LIN9: variants seen among roughly 807,000 people sequenced by gnomAD.
LIN9 encodes lin-9 DREAM MuvB core complex component.
Under a neutral mutation model 78.0 loss-of-function variants are expected in LIN9, and 18 were observed. The ratio of observed to expected loss-of-function variants is 0.23; its 90% CI spans 0.16 to 0.34. LIN9 has a LOEUF of 0.34. LIN9 is among the 10% of genes least tolerant of loss of function. The probability of loss-of-function intolerance (pLI) is 1.00; values close to 1 mark genes in which losing one functional copy is unlikely to be tolerated. For synonymous variants in LIN9, 192 were observed against 215.2 expected, an observed-to-expected ratio of 0.89 and a Z score of 0.94; for missense variants, 451 against 644.1, an observed-to-expected ratio of 0.70 and a Z score of 3.25.
chr1:226,264,252 C>T (rs567988612), intron 10 of LIN9, among the ~76,000 whole-genome samples: 7 of 151,010 alleles, frequency 4.6e-5, no homozygotes, highest in African/African-American at 1.2e-4. Flanking sequence ...TGGTGGCGTG[C>T]GCCTGTAATC....
At chr1:226,260,612 G>A (rs907033801) in intron 10 of LIN9, among the ~76,000 whole-genome samples, 8 of 131,172 alleles carry the variant, frequency 6.1e-5, no homozygotes, top group African/African-American at 2.2e-4. Context: ...AAGAATTTAA[G>A]ATCACGGCCA....
intron 10 of LIN9, among the ~76,000 whole-genome samples, chr1:226,260,803 C>G (rs1213004819): frequency 2.0e-5 from 3 of 151,818 alleles, no homozygotes; most frequent in Admixed American, 2.0e-4. Flanking sequence ...GGCCACCACG[C>G]CTGGCTAATT....
At position 226,295,833 on chromosome 1, in the gene LIN9, C is replaced by A. The variant is rs1576354394; in HGVS notation, c.264+9G>T. On this transcript the variant is annotated intron_variant, in intron 4 of 14. Coordinates refer to ENST00000681046, the MANE Select transcript of LIN9 (RefSeq NM_001366245.2). ...TTTCCAATGAAACAAAATTTTAGCA[C>A]ACACATACCTGTGGAACCATTGCAA... is the stretch of plus-strand genomic sequence containing the variant. 6.4e-7 allele frequency: 1 copy of A among 1,564,962 alleles called. No individual in the cohort carries two copies. Among genetic ancestry groups the A allele is most frequent in the Admixed American group, 1.9e-5 (1 of 52,496 alleles).
At position 226,232,106 on chromosome 1, in the gene LIN9, C is replaced by T. The variant is rs190646593; in HGVS notation, c.*395G>A. On this transcript the variant is annotated 3_prime_UTR_variant, in exon 15 of 15. Transcript: ENST00000681046. ...CTGGATGGAATTTCCACACTGCCAC[C>T]GACATGAATAAAAAGACCAGGTTTC... is the stretch of plus-strand genomic sequence containing the variant. 75 of 398,592 alleles carry T rather than the reference C, an allele frequency of 1.9e-4. No individual in the cohort carries two copies. Among genetic ancestry groups the T allele is most frequent in the African/African-American group, 1.0e-3 (51 of 48,620 alleles). The allele number at this position is 398,592 out of a possible 1,614,324, so 24.7% of individuals were successfully genotyped here. A position where few individuals can be genotyped will look rare whatever the true frequency, so the allele number is the denominator to read the frequency against.
chr1:226,255,677 G>A (rs936271239), intron 10 of LIN9, among the ~76,000 whole-genome samples: 4 of 152,156 alleles, frequency 2.6e-5, no homozygotes, highest in Admixed American at 6.6e-5. Flanking sequence ...TAGCATGCAA[G>A]AACAGATGGG....
chr1:226,256,265 C>T (rs933661715), intron 10 of LIN9, among the ~76,000 whole-genome samples: 5 of 151,848 alleles, frequency 3.3e-5, no homozygotes, highest in African/African-American at 9.7e-5. Flanking sequence ...AACACTTTAC[C>T]GATAGAGGAG....
intron 7 of LIN9, among the ~76,000 whole-genome samples, chr1:226,275,147 C>A (rs1384515175): frequency 6.6e-6 from 1 of 152,146 alleles, no homozygotes; most frequent in African/African-American, 2.4e-5. Flanking sequence ...TTTGTAGGGG[C>A]TGGTCTGTTT....
chr1:226,244,184 A>G (rs894397529), intron 11 of LIN9, among the ~76,000 whole-genome samples: 25 of 147,274 alleles, frequency 1.7e-4, no homozygotes, highest in Admixed American at 1.4e-3. Context: ...CCTAAAAATT[A>G]CTTTTGGAGG....
intron 11 of LIN9, among the ~76,000 whole-genome samples, chr1:226,249,987 T>C (rs966511203): frequency 2.0e-5 from 3 of 151,988 alleles, no homozygotes; most frequent in Admixed American, 2.0e-4. Context: ...CTGGCCAACA[T>C]GGCGAAACCC....
At chr1:226,271,265 A>G (rs1466360417) in intron 7 of LIN9, among the ~76,000 whole-genome samples, 1 of 152,216 alleles carries the variant, frequency 6.6e-6, no homozygotes, top group Non-Finnish European at 1.5e-5. Context: ...TGTATCTGAC[A>G]ATCACAAAGT....
chr1:226,290,403 C>T (rs768864431), intron 4 of LIN9, among the ~76,000 whole-genome samples: 109 of 150,706 alleles, frequency 7.2e-4, no homozygotes, highest in Non-Finnish European at 5.2e-4. Flanking sequence ...TGCAGTGGCA[C>T]GATCTCGGCT....
intron 7 of LIN9, among the ~76,000 whole-genome samples, chr1:226,273,171 C>T (rs1463097955): frequency 5.3e-5 from 8 of 151,854 alleles, no homozygotes; most frequent in African/African-American, 1.9e-4. Context: ...AAGTCTACCA[C>T]CTTGCTATTT....
intron 11 of LIN9, among the ~76,000 whole-genome samples, 185 bp downstream of exon 11, chr1:226,250,654 A>C (rs1360851143): frequency 1.3e-5 from 2 of 152,174 alleles, no homozygotes; most frequent in Admixed American, 1.3e-4. Context: ...AGACTCAAGC[A>C]ATCCTTTTGC....
chr1:226,244,935 T>C (rs549738677), intron 11 of LIN9, among the ~76,000 whole-genome samples: 39 of 152,290 alleles, frequency 2.6e-4, no homozygotes, highest in African/African-American at 8.7e-4. Flanking sequence ...CCTTCAGATC[T>C]TGCAAACATG....
intron 11 of LIN9, among the ~76,000 whole-genome samples, chr1:226,247,545 A>G (rs879830712): frequency 2.0e-4 from 31 of 152,160 alleles, no homozygotes; most frequent in Non-Finnish European, 3.5e-4. Context: ...TTAGCTTCTC[A>G]GCTAGCTTTT....
At chr1:226,287,152 T>A (rs1260760894) in intron 5 of LIN9, among the ~76,000 whole-genome samples, 1 of 152,122 alleles carries the variant, frequency 6.6e-6, no homozygotes, top group Non-Finnish European at 1.5e-5. Context: ...AATAAGAACT[T>A]TTCCTCAGTA....
chr1:226,271,354 CTT>C (rs561626263), intron 7 of LIN9, among the ~76,000 whole-genome samples: 87 of 152,154 alleles, frequency 5.7e-4, no homozygotes, highest in African/African-American at 2.0e-3. Flanking sequence ...TCTTTTGGCT[CTT>C]GTTTTTGAGG....
intron 4 of LIN9, among the ~76,000 whole-genome samples, chr1:226,295,558 C>T (rs371443396): frequency 6.6e-6 from 1 of 151,842 alleles, no homozygotes. Context: ...TTTTTTCCCT[C>T]TTATATCTGT....
At chr1:226,243,962 C>G (rs183555753) in intron 11 of LIN9, among the ~76,000 whole-genome samples, 3 of 151,212 alleles carry the variant, frequency 2.0e-5, no homozygotes, top group Non-Finnish European at 4.4e-5. Context: ...GCAACCTCCA[C>G]CTCCAAGGTT....
Sources: allele counts gnomAD v4.1 joint callset (sites outside exome capture counted in the v4.1 genomes callset), GRCh38; gene constraint gnomAD v4.1.1; transcripts MANE v1.5; gene names NCBI Gene and HGNC (gene_info 2026-07-23, HGNC 2026-07-21).